TAAR5: variants seen among roughly 807,000 people sequenced by gnomAD.
TAAR5 encodes the protein trace amine associated receptor 5.
TAAR5 carries 27 observed loss-of-function variants against 21.1 expected under a neutral mutation model. That is an observed-to-expected ratio of 1.28 (90% CI 0.94 to 1.76). The LOEUF is 1.76. Among genes scored for constraint, TAAR5 ranks in the 40% most tolerant of loss-of-function variants. The probability of loss-of-function intolerance (pLI) is 0.00; values close to 1 mark genes in which losing one functional copy is unlikely to be tolerated. For synonymous variants in TAAR5, 203 were observed against 167.5 expected (o/e 1.21, Z -1.64); for missense variants, 495 against 405.6 (o/e 1.22, Z -1.89).
At chr6:132,591,233 C>T (rs911786585), upstream of TAAR5, among the ~76,000 whole-genome samples, 2 of 152,148 alleles carry the variant, frequency 1.3e-5, no homozygotes, top group African/African-American at 2.4e-5. Flanking sequence ...CATGTTGAAT[C>T]GTATTCTGCT....
upstream of TAAR5, among the ~76,000 whole-genome samples, chr6:132,590,700 G>A (rs1458394652): frequency 2.0e-5 from 3 of 152,196 alleles, no homozygotes; most frequent in East Asian, 5.8e-4. Context: ...TGCACTATTT[G>A]CAAGTCTCAG....
the TAAR5 span, among the ~76,000 whole-genome samples, chr6:132,600,984 G>A: frequency 4.2e-5 from 5 of 117,886 alleles, no homozygotes; most frequent in Non-Finnish European, 5.0e-5. Flanking sequence ...AGGGAAAGAA[G>A]GAAGGAAGGA....
chr6:132,608,752 A>C, the TAAR5 span: 1 of 456,036 alleles, frequency 2.2e-6, no homozygotes. Flanking sequence ...ATAGCTCTGC[A>C]TACCGGAAAC....
In TAAR5 at chr6:132,589,733, A is replaced by G. The variant is rs757481943; in HGVS notation, c.-47T>C. ...TGTCTGAGAACTGGCCACCTTCTCC[A>G]CTGGAGGGCAAAAAAAAAAAAAAAA... On this transcript the variant is annotated 5_prime_UTR_variant, in exon 1 of 1. Transcript: ENST00000258034. 4.1e-5 allele frequency: 10 copies of G among 242,596 alleles called. No individual in the cohort carries two copies. Among genetic ancestry groups the G allele is most frequent in the Admixed American group, 1.3e-4 (2 of 15,422 alleles). 15.0% of individuals were successfully genotyped at this position (242,596 alleles called of 1,614,324 possible).
the TAAR5 span, among the ~76,000 whole-genome samples, chr6:132,615,420 C>G: frequency 2.0e-5 from 3 of 151,226 alleles, no homozygotes; most frequent in African/African-American, 7.3e-5. Flanking sequence ...GTGATTTGTA[C>G]AAATTTGAAT....
chr6:132,596,643 T>C, the TAAR5 span, among the ~76,000 whole-genome samples: 301 of 152,344 alleles, frequency 2.0e-3, 1 homozygote, highest in African/African-American at 7.1e-3. Context: ...TAACTTGATT[T>C]CTTAAAATTT....
chr6:132,604,146 CT>C, the TAAR5 span, among the ~76,000 whole-genome samples: 32,249 of 125,028 alleles, frequency 0.26, 2,549 homozygotes, highest in Non-Finnish European at 0.31. Flanking sequence ...TTTTTCTTTT[CT>C]TTTTTTTTTT....
the TAAR5 span, chr6:132,609,213 G>A: frequency 2.9e-6 from 1 of 348,480 alleles, no homozygotes; most frequent in South Asian, 2.2e-5. Context: ...TTGGTGGGAG[G>A]ACAGGATTTA....
chr6:132,610,418 G>A, the TAAR5 span, among the ~76,000 whole-genome samples: 1 of 152,106 alleles, frequency 6.6e-6, no homozygotes, highest in Non-Finnish European at 1.5e-5. Flanking sequence ...CATTTAACAA[G>A]TTCATCTATT....
upstream of TAAR5, among the ~76,000 whole-genome samples, chr6:132,592,002 A>T (rs1776913895): frequency 6.6e-6 from 1 of 152,178 alleles, no homozygotes; most frequent in South Asian, 2.1e-4. Context: ...AGTGCAGATA[A>T]CTGTTAACCT....
the TAAR5 span, among the ~76,000 whole-genome samples, chr6:132,615,427 G>A: frequency 6.6e-6 from 1 of 150,602 alleles, no homozygotes; most frequent in Non-Finnish European, 1.5e-5. Flanking sequence ...GTACAAATTT[G>A]AATTTTGAAA....
rs1776849115 is a variant in TAAR5 at position 132,588,675 on chromosome 6, A to T, written c.1012T>A (p.Ter338ArgextTer10). The change falls in exon 1 of 1, where the codon TGA becomes AGA. Residue 338 changes from the stop codon to arginine (R), a stop_lost. Transcript: ENST00000258034. ...QTRTVDLYQE[*>R] ...TTGCCTGCATTTAGTAGAAGGAATC[A>T]TTCTTGGTACAAATCAACAGTGCGT... is the stretch of plus-strand genomic sequence containing the variant. The T allele has an allele frequency of 1.2e-6, 2 of 1,607,212 alleles. No individual in the cohort carries two copies. The highest frequency in any genetic ancestry group is 2.2e-5 in the South Asian group (2 of 90,216).
chr6:132,589,806 C>T (rs765838311), upstream of TAAR5: 67 of 794,442 alleles, frequency 8.4e-5, no homozygotes, highest in Middle Eastern at 3.9e-4. Context: ...CAGAGTGAAA[C>T]GAAGAGGAAG....
the TAAR5 span, among the ~76,000 whole-genome samples, chr6:132,601,091 GGGAGGGAAGGAGGGAAGAAGGGAA>G: frequency 1.7e-4 from 4 of 23,688 alleles, no homozygotes; most frequent in Non-Finnish European, 2.9e-4. Context: ...GAAGGAAGGA[GGGAGGGAAGGAGGGAAGAAGGGAA>G]GGAGGGAAGG....
chr6:132,594,743 C>T, the TAAR5 span: 1 of 152,038 alleles, frequency 6.6e-6, no homozygotes, highest in African/African-American at 2.4e-5. Flanking sequence ...TGCCAATTTG[C>T]ATGGCATGCT....
the TAAR5 span, among the ~76,000 whole-genome samples, chr6:132,609,654 T>C: frequency 2.0e-5 from 3 of 152,172 alleles, no homozygotes; most frequent in African/African-American, 7.2e-5. Flanking sequence ...ACAGATACAT[T>C]CCTATAAACT....
upstream of TAAR5, among the ~76,000 whole-genome samples, chr6:132,593,419 C>A (rs904466200): frequency 6.6e-6 from 1 of 152,108 alleles, no homozygotes; most frequent in African/African-American, 2.4e-5. Flanking sequence ...TTCGTTGAAC[C>A]GAGTGACTTT....
the TAAR5 span, among the ~76,000 whole-genome samples, chr6:132,609,807 G>T: frequency 6.6e-6 from 1 of 152,188 alleles, no homozygotes; most frequent in Non-Finnish European, 1.5e-5. Context: ...AATGTTTTAA[G>T]AGTTATAAAT....
At chr6:132,591,312 C>T (rs988211027), upstream of TAAR5, among the ~76,000 whole-genome samples, 4 of 152,182 alleles carry the variant, frequency 2.6e-5, no homozygotes, top group African/African-American at 9.6e-5. Context: ...TTCACAGTAT[C>T]AGTCAAACTA....
Sources: allele counts gnomAD v4.1 joint callset (sites outside exome capture counted in the v4.1 genomes callset), GRCh38; gene constraint gnomAD v4.1.1; transcripts MANE v1.5; gene names NCBI Gene and HGNC (gene_info 2026-07-23, HGNC 2026-07-21).